PIEZO1: variants seen among roughly 807,000 people sequenced by gnomAD.
PIEZO1 encodes piezo type mechanosensitive ion channel component 1 (Er blood group).
A neutral mutation model predicts 297.2 loss-of-function variants in PIEZO1; 296 were observed. The observed-to-expected ratio is 1.00, with a 90% CI of 0.91 to 1.10. The LOEUF is 1.10. PIEZO1 is among the 50% of genes least tolerant of loss of function. The pLI is 0.00. For missense variants in PIEZO1, 5,018 were observed against 3,455.5 expected, an observed-to-expected ratio of 1.45 and a Z score of -11.34; for synonymous variants, 2,427 against 1,507.5, an observed-to-expected ratio of 1.61 and a Z score of -14.13.
chr16:88,736,694 C>T lies in PIEZO1; in HGVS notation c.1241G>A (p.Ser414Asn). The T allele has an allele frequency of 6.5e-7, 1 of 1,533,016 alleles. No homozygotes were observed. Among genetic ancestry groups the T allele is most frequent in the Non-Finnish European group, 8.7e-7 (1 of 1,145,690 alleles). The allele number at this position is 1,533,016 out of a possible 1,614,324, so 95.0% of individuals were successfully genotyped here. The change falls in exon 11 of 51, where the codon AGC becomes AAC. Residue 414 changes from serine to asparagine, a missense_variant. Ser to Asn is a conservative substitution (Grantham distance 46, BLOSUM62 1). Coordinates refer to ENST00000301015, the MANE Select transcript of PIEZO1 (RefSeq NM_001142864.4). ...AEPREASPLH[S>N]LGHLIMDQSY... is the part of the protein sequence containing the mutation. ...CTGGTCCATGATGAGGTGGCCCAGG[C>T]TGTGGAGCGGAGACGCCTCCCTGGG...
At chr16:88,756,764 TC>T (rs1425238541) in intron 1 of PIEZO1, among the ~76,000 whole-genome samples, 2 of 146,888 alleles carry the variant, frequency 1.4e-5, no homozygotes, top group Admixed American at 1.4e-4. Flanking sequence ...CAAGATTCCG[TC>T]TCAAAAAACA....
Position 88,721,440 on chromosome 16 carries a change from G to A in PIEZO1, c.5404-10C>T, listed in dbSNP as rs535191513. The A allele has an allele frequency of 4.0e-5, 61 of 1,543,602 alleles. No individual in the cohort carries two copies. Among genetic ancestry groups the A allele is most frequent in the South Asian group, 3.8e-4 (32 of 83,818 alleles). On this transcript the variant is annotated splice_polypyrimidine_tract_variant and intron_variant, in intron 38 of 50. Coordinates refer to ENST00000301015, the MANE Select transcript of PIEZO1 (RefSeq NM_001142864.4). ...CCCAGAGGCCATAGCACTGAGGGGC[G>A]GGAGGGTGTGGTGAGGGGGCCTTGC... is the stretch of plus-strand genomic sequence containing the variant.
Position 88,715,855 on chromosome 16 carries a change from C to G in PIEZO1, c.7317-1G>C. On this transcript the variant is annotated splice_acceptor_variant, in intron 50 of 50. Coordinates refer to ENST00000301015, the MANE Select transcript of PIEZO1 (RefSeq NM_001142864.4). LOFTEE classifies it high-confidence loss of function. ...GATGGACACGTACAGCCCCATGATG[C>G]TGCGGGGGAAGCTGGTGAGTCCTGG... is the stretch of plus-strand genomic sequence containing the variant. 6.5e-7 allele frequency: 1 copy of G among 1,549,492 alleles called. No homozygotes were observed. The highest frequency in any genetic ancestry group is 8.7e-7 in the Non-Finnish European group (1 of 1,146,364).
chr16:88,778,374 T>C (rs1330936372), intron 1 of PIEZO1, among the ~76,000 whole-genome samples: 18 of 152,224 alleles, frequency 1.2e-4, no homozygotes, highest in Non-Finnish European at 1.6e-4. Flanking sequence ...CCCAGCTATA[T>C]ATACCCACAG....
At chr16:88,740,717 G>C (rs950486826) in intron 5 of PIEZO1, 1 of 152,370 alleles carries the variant, frequency 6.6e-6, no homozygotes, top group African/African-American at 2.4e-5. Context: ...GCCCATGTGC[G>C]TGGCGAGCAT....
At chr16:88,746,067 A>C (rs549582901) in intron 2 of PIEZO1, among the ~76,000 whole-genome samples, 1 of 150,506 alleles carries the variant, frequency 6.6e-6, no homozygotes, top group African/African-American at 2.4e-5. Flanking sequence ...AGCCCCCTGG[A>C]ACCTGATCCA....
Position 88,741,612 on chromosome 16 carries a change from C to A in PIEZO1, c.331G>T (p.Asp111Tyr). 6.5e-7 allele frequency: 1 copy of A among 1,534,584 alleles called. No individual in the cohort carries two copies. The highest frequency in any genetic ancestry group is 8.7e-7 in the Non-Finnish European group (1 of 1,146,404). ...LSRHIGVTRL[D>Y]LKDIPNAIRL... ...ATGGCGTTGGGGATGTCCTTCAGGTCCAGCCTGCGGAGAGCAGGGAGCAGC... is the reference window on the plus strand; with the variant it reads ...ATGGCGTTGGGGATGTCCTTCAGGTACAGCCTGCGGAGAGCAGGGAGCAGC... The change falls in exon 5 of 51, where the codon GAC becomes TAC. Residue 111 changes from aspartate (D) to tyrosine (Y), a missense_variant. Asp to Tyr is a radical substitution (Grantham distance 160). Coordinates refer to ENST00000301015, the MANE Select transcript of PIEZO1 (RefSeq NM_001142864.4).
intron 1 of PIEZO1, among the ~76,000 whole-genome samples, chr16:88,778,626 C>T (rs1907784262): frequency 6.6e-6 from 1 of 152,254 alleles, no homozygotes; most frequent in African/African-American, 2.4e-5. Context: ...TCAGAGCCGG[C>T]ACCCGGGACG....
chr16:88,735,270 A>G, intron 12 of PIEZO1, 24 bp from the exon 13 acceptor site: 1 of 1,509,502 alleles, frequency 6.6e-7, no homozygotes, highest in Non-Finnish European at 9.0e-7. Flanking sequence ...AGGGTGTCAC[A>G]GTCAGCCGGG....
chr16:88,758,805 C>T (rs747326755), intron 1 of PIEZO1, among the ~76,000 whole-genome samples: 15 of 152,248 alleles, frequency 9.9e-5, no homozygotes, highest in Non-Finnish European at 1.6e-4. Context: ...TCCCTCCTCA[C>T]AGGATTGTCG....
At position 88,741,590 on chromosome 16, in the gene PIEZO1, G is replaced by C. The variant is rs1161679299; in HGVS notation, c.353C>G (p.Ala118Gly). Reference sequence around the variant, plus strand: ...CAGGTCAGGGGCCACCAGCCGGATGGCGTTGGGGATGTCCTTCAGGTCCAG... The same window carrying C: ...CAGGTCAGGGGCCACCAGCCGGATGCCGTTGGGGATGTCCTTCAGGTCCAG... ...TRLDLKDIPN[A>G]IRLVAPDLGI... The change falls in exon 5 of 51, where the codon GCC (alanine) becomes GGC (glycine). Residue 118 changes from alanine (A) to glycine (G), a missense_variant. By Grantham distance (60) the Ala-to-Gly change is moderately conservative. Transcript: ENST00000301015. 1.5e-5 allele frequency: 23 copies of C among 1,535,338 alleles called. No homozygotes were observed. The highest frequency in any genetic ancestry group is 1.7e-4 in the Middle Eastern group (1 of 6,006).
chr16:88,726,129 G>C, intron 27 of PIEZO1, 155 bp downstream of exon 27: 1 of 637,548 alleles, frequency 1.6e-6, no homozygotes, highest in Non-Finnish European at 2.7e-6. Flanking sequence ...CCGGGGATCT[G>C]CCGGCCTTCA....
chr16:88,743,198 C>T (rs1435271110), intron 2 of PIEZO1: 3 of 456,186 alleles, frequency 6.6e-6, no homozygotes, highest in East Asian at 6.9e-5. Flanking sequence ...AGGGGCTGGG[C>T]GGGCGCACCC....
intron 1 of PIEZO1, among the ~76,000 whole-genome samples, chr16:88,780,659 G>A (rs1419112073): frequency 1.3e-5 from 2 of 152,186 alleles, no homozygotes; most frequent in African/African-American, 2.4e-5. Context: ...TATAAACAAA[G>A]AAGCAAAAGT....
chr16:88,738,778 C>T, intron 5 of PIEZO1, 42 bp from the exon 6 acceptor site: 2 of 1,483,408 alleles, frequency 1.3e-6, no homozygotes, highest in African/African-American at 1.4e-5. Context: ...GTGTATCGCA[C>T]TGACGCCACC....
At chr16:88,731,499 GCAGAGCCTGGAGGGGGC>G (rs1904804416) in intron 22 of PIEZO1, 190 bp downstream of exon 22, 1 of 583,410 alleles carries the variant, frequency 1.7e-6, no homozygotes, top group Non-Finnish European at 3.1e-6. Context: ...AAAGAGAACA[GCAGAGCCTGGAGGGGGC>G]CAGGCCGCCC....
rs575346234 is a variant in PIEZO1 at position 88,775,454 on chromosome 16, C to T, written c.64+9447G>A. Among the ~76,000 whole-genome samples, 217 of 152,298 alleles carry T rather than the reference C, an allele frequency of 1.4e-3. 2 individuals carry two copies. The highest frequency in any genetic ancestry group is 2.7e-3 in the Non-Finnish European group (184 of 68,016). On this transcript the variant is annotated intron_variant, in intron 1 of 50. Transcript: ENST00000301015. ...TTAAAAACACATGGCGGGGGCCCGGCGCAGTGGCTCACGCCTGTAATCCCA... is the reference window on the plus strand; with the variant it reads ...TTAAAAACACATGGCGGGGGCCCGGTGCAGTGGCTCACGCCTGTAATCCCA...
chr16:88,725,893 G>A (rs1904390056), intron 27 of PIEZO1: 2 of 582,074 alleles, frequency 3.4e-6, no homozygotes, highest in African/African-American at 1.9e-5. Context: ...AGATGCAGGG[G>A]CGTCTGGTGG....
Position 88,715,760 on chromosome 16 carries a change from G to C in PIEZO1, c.7411C>G (p.Leu2471Val). ...EISHSIMFEE[L>V]PCVDRILKLC... ...TTGAGGATGCGGTCCACGCACGGCA[G>C]CTCCTCGAACATAATGGAGTGCGAG... The change falls in exon 51 of 51, where the codon CTG becomes GTG. Residue 2471 changes from leucine to valine, a missense_variant. Leu to Val is a conservative substitution (Grantham distance 32). Coordinates refer to ENST00000301015, the MANE Select transcript of PIEZO1 (RefSeq NM_001142864.4). 6.4e-7 allele frequency: 1 copy of C among 1,550,450 alleles called. No homozygotes were observed.
Sources: gnomAD v4.1 joint callset for allele counts (sites outside exome capture counted in the v4.1 genomes callset) on GRCh38, gnomAD v4.1.1 for gene constraint, MANE v1.5 for transcripts, NCBI Gene and HGNC (gene_info 2026-07-23, HGNC 2026-07-21) for gene names.